Variants in CSMD1 observed in about 807,000 individuals in gnomAD.
The protein encoded by CSMD1 is CUB and Sushi multiple domains 1, also known as CUB and sushi domain-containing protein 1.
In CSMD1, 213 loss-of-function variants were observed where a neutral mutation model predicts 417.5. That is an observed-to-expected ratio of 0.51 (90% CI 0.46 to 0.57). CSMD1 has a LOEUF of 0.57. CSMD1 is among the 20% of genes least tolerant of loss of function. CSMD1 has a pLI of 0.00. For synonymous variants in CSMD1, 2,862 were observed against 1,736.8 expected, an observed-to-expected ratio of 1.65 and a Z score of -16.11; for missense variants, 6,923 against 4,529.7, an observed-to-expected ratio of 1.53 and a Z score of -15.17.
intron 3 of CSMD1, among the ~76,000 whole-genome samples, chr8:4,327,268 A>C (rs1464769927): frequency 6.6e-6 from 1 of 152,180 alleles, no homozygotes; most frequent in African/African-American, 2.4e-5. Flanking sequence ...TTTTACAGTC[A>C]ATTGCTCTTT....
intron 3 of CSMD1, among the ~76,000 whole-genome samples, chr8:4,262,056 A>G (rs1036404196): frequency 3.3e-5 from 5 of 152,070 alleles, no homozygotes; most frequent in African/African-American, 9.7e-5. Context: ...CATATTTTAG[A>G]TTTACCTTGA....
chr8:3,663,173 A>G (rs1433322285), intron 7 of CSMD1, among the ~76,000 whole-genome samples: 1 of 152,152 alleles, frequency 6.6e-6, no homozygotes, highest in Non-Finnish European at 1.5e-5. Context: ...AGGCTGGTGC[A>G]TTTTCATTTC....
At chr8:4,878,824 G>T (rs1803211426) in intron 1 of CSMD1, among the ~76,000 whole-genome samples, 1 of 151,778 alleles carries the variant, frequency 6.6e-6, no homozygotes, top group African/African-American at 2.4e-5. Flanking sequence ...ACAGTACAGA[G>T]GAGAAATTTT....
intron 43 of CSMD1, among the ~76,000 whole-genome samples, chr8:3,109,876 ACC>A (rs1365675668): frequency 1.3e-5 from 2 of 151,766 alleles, no homozygotes; most frequent in African/African-American, 2.4e-5. Context: ...CACATCACAC[ACC>A]CATACCCAAC....
At chr8:4,676,011 C>T (rs1309183709) in intron 1 of CSMD1, among the ~76,000 whole-genome samples, 1 of 152,126 alleles carries the variant, frequency 6.6e-6, no homozygotes, top group African/African-American at 2.4e-5. Context: ...TACATTTGGC[C>T]TTGCAGTTTT....
chr8:3,273,286 T>G (rs1274540459), intron 26 of CSMD1, among the ~76,000 whole-genome samples: 4 of 152,066 alleles, frequency 2.6e-5, no homozygotes, highest in Non-Finnish European at 5.9e-5. Context: ...TGAAGCCCAC[T>G]TGATCATGGT....
intron 3 of CSMD1, among the ~76,000 whole-genome samples, chr8:4,275,120 T>A (rs181478023): frequency 4.3e-4 from 65 of 152,334 alleles, no homozygotes; most frequent in African/African-American, 1.5e-3. Context: ...CTTATAAAGA[T>A]AACCAATGAT....
chr8:4,140,799 C>T lies in CSMD1; in HGVS notation c.416-108700G>A, dbSNP rs577159463. On this transcript the variant is annotated intron_variant, in intron 3 of 69. Transcript: ENST00000635120. ...TCTCCCCTAGGGTGGTTTTGATTTT[C>T]TAAGCGTGTAAATGGGCTCAGCACC... Among the ~76,000 whole-genome samples, 257 of 151,076 alleles carry T rather than the reference C, an allele frequency of 1.7e-3. 19 individuals are homozygous for T. The highest frequency in any genetic ancestry group is 5.9e-3 in the African/African-American group (238 of 40,434).
intron 5 of CSMD1, among the ~76,000 whole-genome samples, chr8:3,975,679 G>C (rs754297831): frequency 2.6e-5 from 4 of 152,150 alleles, no homozygotes; most frequent in East Asian, 1.9e-4. Flanking sequence ...AAATGTACAG[G>C]AGATGATGGA....
At chr8:4,669,122 G>A (rs1223181072) in intron 1 of CSMD1, among the ~76,000 whole-genome samples, 1 of 152,006 alleles carries the variant, frequency 6.6e-6, no homozygotes, top group African/African-American at 2.4e-5. Context: ...ATCTGCATTT[G>A]GCATGTGTTT....
At chr8:3,808,837 C>T (rs1339049024) in intron 5 of CSMD1, among the ~76,000 whole-genome samples, 1 of 152,126 alleles carries the variant, frequency 6.6e-6, no homozygotes, top group African/African-American at 2.4e-5. Flanking sequence ...CTATTTATTT[C>T]CAAAGGAAAG....
intron 5 of CSMD1, among the ~76,000 whole-genome samples, chr8:3,812,575 G>C (rs1382781297): frequency 6.6e-6 from 1 of 152,160 alleles, no homozygotes; most frequent in African/African-American, 2.4e-5. Flanking sequence ...CCTTGCTTAT[G>C]AGGAAATAAA....
chr8:4,159,610 A>T (rs138907573), intron 3 of CSMD1, among the ~76,000 whole-genome samples: 124 of 152,264 alleles, frequency 8.1e-4, no homozygotes, highest in Middle Eastern at 3.4e-3. Context: ...TTATTGTGAG[A>T]CAGAGTCTCA....
At chr8:4,958,256 A>T (rs1809252494) in intron 1 of CSMD1, among the ~76,000 whole-genome samples, 1 of 152,210 alleles carries the variant, frequency 6.6e-6, no homozygotes, top group Non-Finnish European at 1.5e-5. Context: ...GAGATTAGAA[A>T]AACAGGTTCA....
chr8:4,193,403 T>G (rs1010092266), intron 3 of CSMD1, among the ~76,000 whole-genome samples: 57 of 151,948 alleles, frequency 3.8e-4, no homozygotes, highest in Admixed American at 3.1e-3. Flanking sequence ...TTCCTGGGCT[T>G]CCAAGTCTGT....
chr8:4,028,474 G>A (rs1203316623), intron 4 of CSMD1, among the ~76,000 whole-genome samples: 1 of 151,444 alleles, frequency 6.6e-6, no homozygotes, highest in South Asian at 2.1e-4. Flanking sequence ...ACACCAAGCA[G>A]ATCTCATAAG....
intron 2 of CSMD1, among the ~76,000 whole-genome samples, chr8:4,580,798 T>C (rs1256428249): frequency 6.6e-6 from 1 of 152,242 alleles, no homozygotes; most frequent in Non-Finnish European, 1.5e-5. Context: ...GTGTTAATTA[T>C]ATCCTATCTT....
intron 3 of CSMD1, among the ~76,000 whole-genome samples, chr8:4,123,548 G>C (rs1277206448): frequency 6.6e-6 from 1 of 152,142 alleles, no homozygotes. Flanking sequence ...ATGTGAACTT[G>C]TAACACATTT....
At chr8:3,027,232 T>C (rs1195903830) in intron 51 of CSMD1, among the ~76,000 whole-genome samples, 1 of 152,126 alleles carries the variant, frequency 6.6e-6, no homozygotes, top group Admixed American at 6.5e-5. Context: ...GTCACAAAAG[T>C]AACAATATAC....
Sources: allele counts gnomAD v4.1 joint callset (sites outside exome capture counted in the v4.1 genomes callset), GRCh38; gene constraint gnomAD v4.1.1; transcripts MANE v1.5; gene names NCBI Gene and HGNC (gene_info 2026-07-23, HGNC 2026-07-21).